PCYT1B: variants seen among roughly 807,000 people sequenced by gnomAD.
The protein encoded by PCYT1B is choline-phosphate cytidylyltransferase B.
PCYT1B carries 10 observed loss-of-function variants against 26.4 expected under a neutral mutation model. The observed-to-expected ratio is 0.38, with a 90% confidence interval of 0.23 to 0.64. The LOEUF (loss-of-function observed/expected upper bound fraction) is 0.64, where lower values mean the gene tolerates loss of function less well. PCYT1B is among the 30% of genes least tolerant of loss of function. PCYT1B has a pLI of 0.56. For synonymous variants in PCYT1B, 131 were observed against 108.4 expected (o/e 1.21, Z -1.29); for missense variants, 161 against 292.7 (o/e 0.55, Z 3.28).
At chrX:24,653,320 C>T (rs1339102022) in intron 1 of PCYT1B, among the ~76,000 whole-genome samples, 1 of 111,363 alleles carries the variant, frequency 9.0e-6, no homozygotes, top group Admixed American at 9.6e-5. Flanking sequence ...CCACTGTCAA[C>T]TGCCAGCACC....
At chrX:24,574,426 A>G (rs751217514) in intron 7 of PCYT1B, among the ~76,000 whole-genome samples, 9 of 111,397 alleles carry the variant, frequency 8.1e-5, no homozygotes, top group Non-Finnish European at 1.3e-4. Context: ...TTCCATAGTT[A>G]TCATTCAAAG....
At chrX:24,654,236 C>A (rs1267055830) in intron 1 of PCYT1B, among the ~76,000 whole-genome samples, 2 of 103,365 alleles carry the variant, frequency 1.9e-5, no homozygotes, top group African/African-American at 7.0e-5. Context: ...TCCCAAGTAG[C>A]TGGGATTACA....
intron 1 of PCYT1B, among the ~76,000 whole-genome samples, chrX:24,640,877 A>T (rs1053283462): frequency 2.7e-5 from 3 of 111,298 alleles, no homozygotes; most frequent in African/African-American, 9.8e-5. Context: ...TCCCTGGCAC[A>T]CCCATCTCAG....
At chrX:24,631,817 T>G (rs1202430583) in intron 1 of PCYT1B, among the ~76,000 whole-genome samples, 1 of 110,954 alleles carries the variant, frequency 9.0e-6, no homozygotes, top group Non-Finnish European at 1.9e-5. Context: ...ATACAAAAAT[T>G]AGCTGGGCAC....
intron 1 of PCYT1B, among the ~76,000 whole-genome samples, chrX:24,662,001 T>A (rs1225583566): frequency 9.1e-6 from 1 of 110,247 alleles, no homozygotes; most frequent in Non-Finnish European, 1.9e-5. Flanking sequence ...TCATCTCCAC[T>A]AAAAATAAAA....
chrX:24,649,721 T>C (rs1011617865), upstream of PCYT1B, among the ~76,000 whole-genome samples: 2 of 111,751 alleles, frequency 1.8e-5, no homozygotes, highest in African/African-American at 6.5e-5. Context: ...CTTCCTCACC[T>C]TCTTCTCCTC....
intron 7 of PCYT1B, among the ~76,000 whole-genome samples, chrX:24,565,829 A>C (rs970336459): frequency 9.1e-6 from 1 of 110,268 alleles, no homozygotes; most frequent in Non-Finnish European, 1.9e-5. Flanking sequence ...GGCAAAAAAT[A>C]GTGGAATTTT....
At chrX:24,643,612 A>G (rs1569256038) in intron 1 of PCYT1B, among the ~76,000 whole-genome samples, 1 of 112,173 alleles carries the variant, frequency 8.9e-6, no homozygotes, top group Non-Finnish European at 1.9e-5. Context: ...CTCCTTTCTT[A>G]TATTTTCCTC....
At chrX:24,657,234 C>T (rs940772556) in intron 1 of PCYT1B, among the ~76,000 whole-genome samples, 4 of 111,823 alleles carry the variant, frequency 3.6e-5, no homozygotes, top group African/African-American at 9.7e-5. Flanking sequence ...CAAATACAGC[C>T]GCCATCATAC....
intron 1 of PCYT1B, among the ~76,000 whole-genome samples, chrX:24,638,654 T>C (rs767948458): frequency 1.8e-5 from 2 of 111,622 alleles, no homozygotes; most frequent in South Asian, 3.8e-4. Context: ...TTTATTTCCC[T>C]AACAGTCACT....
At chrX:24,587,354 G>A in intron 4 of PCYT1B, 35 bp from the exon 5 acceptor site, 2 of 944,605 alleles carry the variant, frequency 2.1e-6, no homozygotes, top group Non-Finnish European at 3.1e-6. Flanking sequence ...GTCACCACTG[G>A]GATGGATGTG....
At chrX:24,670,125 G>A (rs12837245) in intron 1 of PCYT1B, among the ~76,000 whole-genome samples, 4 of 101,266 alleles carry the variant, frequency 3.9e-5, no homozygotes, top group African/African-American at 1.4e-4. Flanking sequence ...AGGAAGGAAG[G>A]AAGGAAGGAA....
intron 5 of PCYT1B, among the ~76,000 whole-genome samples, chrX:24,581,338 T>G (rs1924199891): frequency 1.8e-5 from 2 of 111,587 alleles, no homozygotes; most frequent in Non-Finnish European, 3.8e-5. Context: ...GCTATACAAC[T>G]GCAGGGGGGG....
intron 2 of PCYT1B, among the ~76,000 whole-genome samples, chrX:24,608,638 C>T (rs914640219): frequency 9.9e-5 from 11 of 111,463 alleles, no homozygotes; most frequent in African/African-American, 2.0e-4. Context: ...GTCACACAGA[C>T]AGTGGCATCT....
rs61761919 is a variant in PCYT1B, at chrX:24,584,231, A to T, written c.565+3010T>A. ...GTAGTCCCAGCTACTTGAGAGGCTG[A>T]GGTGGGAGGATCGCCTGAGCCCAGG... On this transcript the variant is annotated intron_variant, in intron 5 of 7. Transcript: ENST00000379144. Among the ~76,000 whole-genome samples, 212 of 111,764 alleles carry T rather than the reference A, an allele frequency of 1.9e-3. 2 individuals are homozygous for T. Among genetic ancestry groups the T allele is most frequent in the African/African-American group, 6.7e-3 (206 of 30,760 alleles).
intron 1 of PCYT1B, among the ~76,000 whole-genome samples, chrX:24,640,888 T>A (rs1305347795): frequency 1.8e-5 from 2 of 111,585 alleles, no homozygotes; most frequent in Non-Finnish European, 3.8e-5. Context: ...CCCATCTCAG[T>A]GATGGCACTC....
Position 24,559,685 on chromosome X carries a change from G to A in PCYT1B, c.*2608C>T, listed in dbSNP as rs1294360171. On this transcript the variant is annotated 3_prime_UTR_variant, in exon 8 of 8. Coordinates refer to ENST00000379144, the MANE Select transcript of PCYT1B (RefSeq NM_004845.5). Reference sequence around the variant, plus strand: ...ATTCCTGCTTACCCCTCCAAGCTTGGGGCATATTTCTCATTCCAGCCTTAA... The same window carrying A: ...ATTCCTGCTTACCCCTCCAAGCTTGAGGCATATTTCTCATTCCAGCCTTAA... 1 of 111,404 alleles carries A rather than the reference G, an allele frequency of 9.0e-6. No homozygotes were observed. Among genetic ancestry groups the A allele is most frequent in the Non-Finnish European group, 1.9e-5 (1 of 53,100 alleles). The allele number at this position is 111,404 out of a possible 1,213,427, so 9.2% of individuals were successfully genotyped here. A position where few individuals can be genotyped will look rare whatever the true frequency, so the allele number is the denominator to read the frequency against.
At chrX:24,651,472 A>AAAAAAAAAAT (rs1555965467), upstream of PCYT1B, among the ~76,000 whole-genome samples, 10 of 26,053 alleles carry the variant, frequency 3.8e-4, no homozygotes, top group Non-Finnish European at 6.0e-4. Flanking sequence ...AAAAAAAAAA[A>AAAAAAAAAAT]ATATATATAT....
intron 1 of PCYT1B, among the ~76,000 whole-genome samples, chrX:24,644,372 T>C (rs749668083): frequency 1.0e-4 from 11 of 110,229 alleles, no homozygotes; most frequent in Admixed American, 2.9e-4. Flanking sequence ...GAAAATTTTG[T>C]ATCATAAGTA....
Sources: allele counts gnomAD v4.1 joint callset (sites outside exome capture counted in the v4.1 genomes callset), GRCh38; gene constraint gnomAD v4.1.1; transcripts MANE v1.5; gene names NCBI Gene and HGNC (gene_info 2026-07-23, HGNC 2026-07-21).